Variants in OSBP observed in about 807,000 individuals in gnomAD.
The protein encoded by OSBP is oxysterol binding protein, also known as oxysterol-binding protein 1.
OSBP carries 32 observed loss-of-function variants against 96.6 expected under a neutral mutation model. The observed-to-expected ratio is 0.33, with a 90% CI of 0.25 to 0.45. OSBP has a LOEUF of 0.45. Ranked by LOEUF, OSBP falls within the 20% of genes least tolerant of loss-of-function variation. The pLI, the probability that OSBP is intolerant of heterozygous loss-of-function variation, is 1.00. For missense variants in OSBP, 653 were observed against 1,029.7 expected (o/e 0.63, Z 5.01); for synonymous variants, 369 against 389.6 (o/e 0.95, Z 0.62).
At chr11:59,613,277 T>C (rs1192405902) in intron 1 of OSBP, among the ~76,000 whole-genome samples, 1 of 152,232 alleles carries the variant, frequency 6.6e-6, no homozygotes, top group Non-Finnish European at 1.5e-5. Flanking sequence ...ATATGTGGTT[T>C]GGTATGTTTT....
At chr11:59,586,641 T>G (rs1274367100) in intron 9 of OSBP, among the ~76,000 whole-genome samples, 1 of 152,200 alleles carries the variant, frequency 6.6e-6, no homozygotes, top group South Asian at 2.1e-4. Context: ...TTTTGATACT[T>G]AATACAAAGT....
chr11:59,579,926 G>C (rs1369783580), intron 11 of OSBP, among the ~76,000 whole-genome samples: 2 of 151,992 alleles, frequency 1.3e-5, no homozygotes, highest in East Asian at 3.9e-4. Context: ...TGGCCAGGCT[G>C]GGCTCGAACT....
rs1860641573 is a variant in OSBP, at chr11:59,595,730, A to G, written c.1312-1475T>C. ...TGAGGCAAGCGGATTGCTTGTGCTCAGCAGTTTGAGACCAGCCTGGGAAAC... is the reference window on the plus strand; with the variant it reads ...TGAGGCAAGCGGATTGCTTGTGCTCGGCAGTTTGAGACCAGCCTGGGAAAC... On this transcript the variant is annotated intron_variant, in intron 7 of 13. Transcript: ENST00000263847. Among the ~76,000 whole-genome samples the G allele has an allele frequency of 2.0e-5, 3 of 151,956 alleles. 1 individual carries two copies. Among genetic ancestry groups the G allele is most frequent in the South Asian group, 4.1e-4 (2 of 4,828 alleles).
Position 59,580,372 on chromosome 11 carries a change from TC to T in OSBP, c.1783-104del, listed in dbSNP as rs1284015797. The T allele has an allele frequency of 6.6e-6, 5 of 753,954 alleles. No individual in the cohort carries two copies. The East Asian group carries it at 1.3e-4, about 19-fold the overall frequency. The allele number at this position is 753,954 out of a possible 1,614,324, so 46.7% of individuals were successfully genotyped here. On this transcript the variant is annotated intron_variant, in intron 10 of 13. Coordinates refer to ENST00000263847, the MANE Select transcript of OSBP (RefSeq NM_002556.3). ...ACTTTTCAATCTTACATTCTAGTAA[TC>T]CCTTGTTTAAGATTCAGATCTTAGC...
chr11:59,613,001 G>C (rs1860870965), intron 1 of OSBP, among the ~76,000 whole-genome samples: 2 of 152,202 alleles, frequency 1.3e-5, no homozygotes, highest in African/African-American at 4.8e-5. Flanking sequence ...AAGGAAAACA[G>C]TATTTTGGAA....
At chr11:59,585,290 C>T (rs1170707993) in intron 9 of OSBP, among the ~76,000 whole-genome samples, 1 of 151,838 alleles carries the variant, frequency 6.6e-6, no homozygotes, top group Non-Finnish European at 1.5e-5. Context: ...GCCCTGCCGC[C>T]CCGGCTGGGA....
intron 2 of OSBP, among the ~76,000 whole-genome samples, chr11:59,609,571 A>G (rs1860820320): frequency 1.3e-5 from 2 of 152,144 alleles, no homozygotes; most frequent in Non-Finnish European, 2.9e-5. Flanking sequence ...ACTACCAAAC[A>G]ATTTACAAAC....
At chr11:59,603,696 C>G (rs146148377) in intron 3 of OSBP, among the ~76,000 whole-genome samples, 129 of 152,124 alleles carry the variant, frequency 8.5e-4, no homozygotes, top group African/African-American at 3.0e-3. Context: ...GCCACAATGC[C>G]CAGCTAATTT....
At chr11:59,593,927 C>T (rs1365198812) in intron 8 of OSBP, 83 bp downstream of exon 8, 4 of 1,526,798 alleles carry the variant, frequency 2.6e-6, no homozygotes, top group Non-Finnish European at 3.5e-6. Flanking sequence ...AGAATTTCTG[C>T]AAACATAAGA....
At chr11:59,607,572 A>AG (rs1860797088) in intron 3 of OSBP, among the ~76,000 whole-genome samples, 1 of 152,106 alleles carries the variant, frequency 6.6e-6, no homozygotes, top group Admixed American at 6.5e-5. Context: ...CCATTTAATT[A>AG]GGAAAAAAAA....
chr11:59,593,824 T>G, intron 8 of OSBP, 100 bp from the exon 9 acceptor site: 1 of 1,525,818 alleles, frequency 6.6e-7, no homozygotes, highest in African/African-American at 1.4e-5. Flanking sequence ...TTGACGTTTT[T>G]ACACCCACAA....
chr11:59,601,115 C>CACA (rs1554980659), intron 5 of OSBP, among the ~76,000 whole-genome samples, 168 bp downstream of exon 5: 1 of 113,876 alleles, frequency 8.8e-6, no homozygotes, highest in Non-Finnish European at 1.7e-5. Context: ...GATCTTGAGA[C>CACA]AAAAAAAAAA....
chr11:59,610,240 A>T (rs1018047038), intron 2 of OSBP, 141 bp downstream of exon 2: 10 of 730,932 alleles, frequency 1.4e-5, no homozygotes, highest in Non-Finnish European at 2.4e-5. Context: ...CTCCAGCAGA[A>T]ATACTGCATG....
At chr11:59,600,714 GA>G (rs562178406) in intron 6 of OSBP, 87 bp from the exon 7 acceptor site, 16 of 1,176,970 alleles carry the variant, frequency 1.4e-5, no homozygotes, top group East Asian at 5.6e-5. Flanking sequence ...GCTAAAAAAA[GA>G]AAAAAAAATC....
Position 59,601,279 on chromosome 11 carries a change from T to C in OSBP, c.1124+4A>G. 1 of 1,557,236 alleles carries C rather than the reference T, an allele frequency of 6.4e-7. No homozygotes were observed. Among genetic ancestry groups the C allele is most frequent in the Non-Finnish European group, 8.9e-7 (1 of 1,128,564 alleles). ...ATTTGCTTCAACAATCAAGGATAAC[T>C]CACTTGTGGCCCAAATTTTCAGGCA... On this transcript the variant is annotated splice_donor_region_variant and intron_variant, in intron 5 of 13. Coordinates refer to ENST00000263847, the MANE Select transcript of OSBP (RefSeq NM_002556.3).
chr11:59,612,754 T>C (rs1356997407), intron 1 of OSBP, among the ~76,000 whole-genome samples: 1 of 152,174 alleles, frequency 6.6e-6, no homozygotes, highest in Non-Finnish European at 1.5e-5. Flanking sequence ...AGTTCTTCCC[T>C]GAAAAGGCTA....
chr11:59,605,971 T>C (rs1303116432), intron 3 of OSBP, among the ~76,000 whole-genome samples: 6 of 152,168 alleles, frequency 3.9e-5, no homozygotes, highest in Non-Finnish European at 7.3e-5. Context: ...GGCCCCAAGC[T>C]CTAGCTTGCC....
chr11:59,578,041 G>T, intron 12 of OSBP, 108 bp downstream of exon 12: 2 of 1,004,082 alleles, frequency 2.0e-6, no homozygotes, highest in Non-Finnish European at 3.0e-6. Flanking sequence ...AATTTCCCTT[G>T]CTCAATTCCC....
chr11:59,611,809 G>A (rs1860852176), intron 1 of OSBP, among the ~76,000 whole-genome samples: 1 of 152,112 alleles, frequency 6.6e-6, no homozygotes, highest in African/African-American at 2.4e-5. Flanking sequence ...ACTAACTTTT[G>A]AACTTTACAG....
Sources: allele counts gnomAD v4.1 joint callset (sites outside exome capture counted in the v4.1 genomes callset), GRCh38; gene constraint gnomAD v4.1.1; transcripts MANE v1.5; gene names NCBI Gene and HGNC (gene_info 2026-07-23, HGNC 2026-07-21).